CEP126: variants seen among roughly 807,000 people sequenced by gnomAD.
CEP126 encodes the protein centrosomal protein of 126 kDa.
CEP126 carries 74 observed loss-of-function variants against 107.8 expected under a neutral mutation model. That is an observed-to-expected ratio of 0.69 (90% CI 0.57 to 0.83). The LOEUF (loss-of-function observed/expected upper bound fraction) is 0.83, where lower values mean the gene tolerates loss of function less well. Ranked by LOEUF, CEP126 falls within the 40% of genes least tolerant of loss-of-function variation. The pLI, the probability that CEP126 is intolerant of heterozygous loss-of-function variation, is 0.00. For synonymous variants in CEP126, 449 were observed against 446.0 expected, an observed-to-expected ratio of 1.01 and a Z score of -0.08; for missense variants, 1,237 against 1,281.9, an observed-to-expected ratio of 0.96 and a Z score of 0.53.
chr11:101,960,169 C>T (rs1026194689), intron 5 of CEP126, among the ~76,000 whole-genome samples: 14 of 108,656 alleles, frequency 1.3e-4, no homozygotes, highest in Non-Finnish European at 2.3e-4. Flanking sequence ...TAAGACGGAC[C>T]GCTAAATGTA....
rs190073537 is a variant in CEP126 at position 101,977,000 on chromosome 11, C to G, written c.2846-1347C>G. 2.9e-3 allele frequency among the ~76,000 whole-genome samples: 436 copies of G among 152,194 alleles called. 2 individuals are homozygous for G. Among genetic ancestry groups the G allele is most frequent in the African/African-American group, 9.9e-3 (410 of 41,536 alleles). Reference sequence around the variant, plus strand: ...AAATTTTGAACACATACATGGCATACACATGTATTACTGTACTAATATATA... The same window carrying G: ...AAATTTTGAACACATACATGGCATAGACATGTATTACTGTACTAATATATA... On this transcript the variant is annotated intron_variant, in intron 6 of 10. Transcript: ENST00000263468.
At chr11:101,995,287 G>C (rs1941429961) in intron 10 of CEP126, among the ~76,000 whole-genome samples, 1 of 152,070 alleles carries the variant, frequency 6.6e-6, no homozygotes, top group Non-Finnish European at 1.5e-5. Context: ...GATGAGACTA[G>C]GTAATACCAA....
chr11:101,983,176 G>A (rs931783734), intron 8 of CEP126, among the ~76,000 whole-genome samples: 2 of 152,186 alleles, frequency 1.3e-5, no homozygotes, highest in African/African-American at 4.8e-5. Context: ...AGATACCCCT[G>A]TGGGTAGCAG....
intron 2 of CEP126, among the ~76,000 whole-genome samples, chr11:101,938,159 C>CA (rs1491167740): frequency 0.076 from 2,954 of 39,010 alleles, 441 homozygotes; most frequent in Non-Finnish European, 0.094. Flanking sequence ...GACTCTGTCT[C>CA]AAAAAAAAAA....
At chr11:101,997,380 A>G (rs1941454642) in intron 10 of CEP126, among the ~76,000 whole-genome samples, 1 of 152,224 alleles carries the variant, frequency 6.6e-6, no homozygotes, top group African/African-American at 2.4e-5. Context: ...CACATTTTCA[A>G]AGTGGGAATT....
intron 4 of CEP126, among the ~76,000 whole-genome samples, chr11:101,949,455 C>A (rs1322940126): frequency 6.6e-6 from 1 of 152,022 alleles, no homozygotes; most frequent in African/African-American, 2.4e-5. Flanking sequence ...AGGCTAAAGG[C>A]ATTTGAAGCC....
At chr11:101,982,950 GC>G (rs1463300347) in intron 8 of CEP126, among the ~76,000 whole-genome samples, 2 of 152,196 alleles carry the variant, frequency 1.3e-5, no homozygotes, top group African/African-American at 2.4e-5. Flanking sequence ...GATCCTCTCA[GC>G]CCTCTTCAGC....
chr11:101,924,714 C>G (rs1269768156), intron 2 of CEP126, among the ~76,000 whole-genome samples: 1 of 151,868 alleles, frequency 6.6e-6, no homozygotes, highest in Non-Finnish European at 1.5e-5. Context: ...GTGATCCTCC[C>G]ATCTCAGCCT....
intron 6 of CEP126, among the ~76,000 whole-genome samples, chr11:101,967,975 G>T (rs1459926630): frequency 6.6e-6 from 1 of 152,058 alleles, no homozygotes; most frequent in Non-Finnish European, 1.5e-5. Flanking sequence ...GACACACAGA[G>T]ATTTTCAATT....
intron 3 of CEP126, 59 bp downstream of exon 3, chr11:101,944,469 T>C: frequency 1.4e-6 from 2 of 1,465,978 alleles, no homozygotes; most frequent in Admixed American, 2.5e-5. Flanking sequence ...TTGACTTGAG[T>C]AGACAATAAA....
chr11:101,929,974 C>CTTTTTTTTTTTTTTTTTT, intron 2 of CEP126, among the ~76,000 whole-genome samples: 1 of 118,686 alleles, frequency 8.4e-6, no homozygotes, highest in East Asian at 2.7e-4. Flanking sequence ...TTAGTTAGGA[C>CTTTTTTTTTTTTTTTTTT]TTTTTTTTTT....
At position 101,978,472 on chromosome 11, in the gene CEP126, T is replaced by C; in HGVS notation, c.2958+13T>C. ...TGAGCAAATTAATGTAAGTATGGTA[T>C]TAATCAAAATCTCTATTCAATATTT... On this transcript the variant is annotated intron_variant, in intron 7 of 10. Coordinates refer to ENST00000263468, the MANE Select transcript of CEP126 (RefSeq NM_020802.4). 6.7e-7 allele frequency: 1 copy of C among 1,499,596 alleles called. No homozygotes were observed. The allele number at this position is 1,499,596 out of a possible 1,614,324, so 92.9% of individuals were successfully genotyped here.
chr11:101,918,299 T>A (rs761024995), intron 1 of CEP126, among the ~76,000 whole-genome samples: 5 of 151,984 alleles, frequency 3.3e-5, no homozygotes, highest in Non-Finnish European at 7.4e-5. Context: ...AATACAAAAA[T>A]TAGCTGTGTG....
At chr11:101,953,154 C>T (rs1940834734) in intron 4 of CEP126, among the ~76,000 whole-genome samples, 1 of 152,112 alleles carries the variant, frequency 6.6e-6, no homozygotes. Context: ...TGAATTTCTC[C>T]CATGGAAGAG....
intron 8 of CEP126, among the ~76,000 whole-genome samples, chr11:101,986,171 C>T (rs759740937): frequency 2.0e-5 from 3 of 151,476 alleles, no homozygotes; most frequent in East Asian, 1.9e-4. Context: ...TTAGTACAGA[C>T]GAGGTTTCAC....
At chr11:101,954,020 TTTTG>T (rs59197385) in intron 4 of CEP126, among the ~76,000 whole-genome samples, 4,251 of 149,590 alleles carry the variant, frequency 0.028, 82 homozygotes, top group African/African-American at 0.053. Context: ...TATTTTCCTT[TTTTG>T]TTTGTTTGTT....
chr11:101,947,593 G>C (rs1031256614), intron 3 of CEP126, among the ~76,000 whole-genome samples: 1 of 152,084 alleles, frequency 6.6e-6, no homozygotes, highest in Non-Finnish European at 1.5e-5. Flanking sequence ...TACCTCATAG[G>C]CCATAGTGAG....
At chr11:101,989,775 C>T (rs376060428) in intron 9 of CEP126, among the ~76,000 whole-genome samples, 2 of 152,008 alleles carry the variant, frequency 1.3e-5, no homozygotes, top group Non-Finnish European at 2.9e-5. Flanking sequence ...CTGACTAACT[C>T]GGTGAAACCC....
intron 7 of CEP126, among the ~76,000 whole-genome samples, 183 bp from the exon 8 acceptor site, chr11:101,981,706 T>C (rs1418960258): frequency 6.6e-6 from 1 of 152,210 alleles, no homozygotes; most frequent in Non-Finnish European, 1.5e-5. Flanking sequence ...AATATTCCAT[T>C]ACCATAGAAA....
Sources: gnomAD v4.1 joint callset for allele counts (sites outside exome capture counted in the v4.1 genomes callset) on GRCh38, gnomAD v4.1.1 for gene constraint, MANE v1.5 for transcripts, NCBI Gene and HGNC (gene_info 2026-07-23, HGNC 2026-07-21) for gene names.